The following PHF2 variants were observed in gnomAD, a reference collection of about 807,000 sequenced individuals.
The protein encoded by PHF2 is PHD finger protein 2, also known as lysine-specific demethylase PHF2.
Under a neutral mutation model 120.5 loss-of-function variants are expected in PHF2, and 27 were observed. The observed-to-expected ratio is 0.22, with a 90% CI of 0.17 to 0.31. The LOEUF (loss-of-function observed/expected upper bound fraction) is 0.31. Among genes scored for constraint, PHF2 ranks in the 10% least tolerant of loss-of-function variants. The pLI is 1.00. For synonymous variants in PHF2, 568 were observed against 592.5 expected (o/e 0.96, Z 0.60); for missense variants, 1,024 against 1,434.8 (o/e 0.71, Z 4.63).
chr9:93,621,519 C>A (rs141383701), intron 1 of PHF2, among the ~76,000 whole-genome samples: 1 of 152,202 alleles, frequency 6.6e-6, no homozygotes, highest in South Asian at 2.1e-4. Context: ...ACAAGGGGCC[C>A]CTCCTTGTGC....
chr9:93,634,852 A>G (rs1250806344), intron 2 of PHF2, among the ~76,000 whole-genome samples: 1 of 152,176 alleles, frequency 6.6e-6, no homozygotes, highest in African/African-American at 2.4e-5. Context: ...CTGCCCGTGA[A>G]CAAGCACCTA....
intron 1 of PHF2, among the ~76,000 whole-genome samples, chr9:93,584,463 G>A (rs1156971414): frequency 6.6e-6 from 1 of 152,148 alleles, no homozygotes; most frequent in Non-Finnish European, 1.5e-5. Flanking sequence ...TTTGAAGCTG[G>A]ATATCCAGTT....
At chr9:93,612,819 C>T (rs930025426) in intron 1 of PHF2, among the ~76,000 whole-genome samples, 1 of 152,338 alleles carries the variant, frequency 6.6e-6, no homozygotes, top group East Asian at 1.9e-4. Context: ...AGGGGTGTCC[C>T]CCACCCACCA....
chr9:93,651,096 ATT>A (rs1564395004), intron 5 of PHF2, among the ~76,000 whole-genome samples: 2 of 111,306 alleles, frequency 1.8e-5, no homozygotes, highest in African/African-American at 3.2e-5. Context: ...TATTTTAAAA[ATT>A]AAAAAAAAAA....
intron 1 of PHF2, among the ~76,000 whole-genome samples, chr9:93,621,577 C>A (rs936414436): frequency 6.6e-6 from 1 of 152,216 alleles, no homozygotes; most frequent in Non-Finnish European, 1.5e-5. Flanking sequence ...TGGACACTGG[C>A]CCAGAGCCTG....
At chr9:93,674,192 C>T (rs1477717718) in intron 18 of PHF2, among the ~76,000 whole-genome samples, 2 of 152,124 alleles carry the variant, frequency 1.3e-5, no homozygotes, top group East Asian at 3.9e-4. Flanking sequence ...GGGTCCTGGG[C>T]ATTCCTCGAC....
At chr9:93,657,974 G>A (rs376013600) in intron 9 of PHF2, among the ~76,000 whole-genome samples, 171 bp from the exon 10 acceptor site, 2 of 152,128 alleles carry the variant, frequency 1.3e-5, no homozygotes, top group East Asian at 3.9e-4. Flanking sequence ...CAGGAGGATG[G>A]GCGCCCCCAG....
intron 11 of PHF2, 60 bp downstream of exon 11, chr9:93,659,660 T>C: frequency 1.3e-6 from 2 of 1,484,018 alleles, no homozygotes; most frequent in Non-Finnish European, 1.9e-6. Context: ...CCCACCTGTC[T>C]TTCTCTGGGT....
In PHF2 at chr9:93,677,570, C is replaced by T. The variant is rs753453224; in HGVS notation, c.3203-18C>T. The T allele has an allele frequency of 1.1e-5, 17 of 1,606,966 alleles. No homozygotes were observed. Among genetic ancestry groups the T allele is most frequent in the African/African-American group, 2.7e-5 (2 of 74,548 alleles). On this transcript the variant is annotated intron_variant, in intron 21 of 21. Coordinates refer to ENST00000359246, the MANE Select transcript of PHF2 (RefSeq NM_005392.4). The surrounding 1 kb of genome is among the most constrained non-coding windows in gnomAD (Gnocchi z 4.4). ...TAGCTTACCTTCCCTTTTTGTGTCC[C>T]CTCCCCGACTCCCCTAGGAAAACGT... is the stretch of plus-strand genomic sequence containing the variant.
At chr9:93,664,371 C>G (rs1826637589) in intron 14 of PHF2, among the ~76,000 whole-genome samples, 1 of 152,190 alleles carries the variant, frequency 6.6e-6, no homozygotes. Context: ...CCTCGAGAGC[C>G]TCATGGTTCC....
At chr9:93,610,471 TC>T (rs1449000516) in intron 1 of PHF2, among the ~76,000 whole-genome samples, 1 of 152,196 alleles carries the variant, frequency 6.6e-6, no homozygotes, top group Non-Finnish European at 1.5e-5. Context: ...AGTGTCTCAA[TC>T]TCTCAGCTTA....
intron 5 of PHF2, among the ~76,000 whole-genome samples, chr9:93,652,539 C>T (rs1416132006): frequency 6.6e-6 from 1 of 152,026 alleles, no homozygotes; most frequent in Non-Finnish European, 1.5e-5. Flanking sequence ...GGTCCGCCCA[C>T]CTCGGCCTCC....
chr9:93,645,565 C>T (rs1564392709), intron 3 of PHF2, 64 bp from the exon 4 acceptor site: 3 of 1,477,890 alleles, frequency 2.0e-6, no homozygotes, highest in South Asian at 1.4e-5. Context: ...AGGCCCTGTC[C>T]ACACCTGTCC....
rs767381990 is a variant in PHF2 at position 93,649,051 on chromosome 9, T to C, written c.461-20T>C. 2 of 1,550,284 alleles carry C rather than the reference T, an allele frequency of 1.3e-6. No individual in the cohort carries two copies. The highest frequency in any genetic ancestry group is 1.7e-6 in the Non-Finnish European group (2 of 1,146,608). ...TGCCGCCTTCCCAGGGTGCTCAAGC[T>C]CCTCCCACCACCTCCCTAGGGCCGG... On this transcript the variant is annotated intron_variant, in intron 4 of 21. Coordinates refer to ENST00000359246, the MANE Select transcript of PHF2 (RefSeq NM_005392.4).
rs190394477 is a variant in PHF2, at chr9:93,628,218, A to G, written c.99-1752A>G. Among the ~76,000 whole-genome samples the G allele has an allele frequency of 2.0e-3, 306 of 152,254 alleles. 1 individual carries two copies. The highest frequency in any genetic ancestry group is 5.6e-3 in the Admixed American group (86 of 15,294). ...AGAGATACTGGTCTGTAGTTTTCTTATAGTGTCTCTGTCTGGCTTTGGGCT... is the reference window on the plus strand; with the variant it reads ...AGAGATACTGGTCTGTAGTTTTCTTGTAGTGTCTCTGTCTGGCTTTGGGCT... On this transcript the variant is annotated intron_variant, in intron 1 of 21. Transcript: ENST00000359246.
At chr9:93,598,745 A>C (rs1234265117) in intron 1 of PHF2, among the ~76,000 whole-genome samples, 1 of 152,162 alleles carries the variant, frequency 6.6e-6, no homozygotes, top group African/African-American at 2.4e-5. Context: ...CAGGCTGCTG[A>C]CAACAAGGCA....
At chr9:93,596,628 A>T (rs936200125) in intron 1 of PHF2, among the ~76,000 whole-genome samples, 1 of 151,788 alleles carries the variant, frequency 6.6e-6, no homozygotes, top group Non-Finnish European at 1.5e-5. Flanking sequence ...CTTCATGATC[A>T]CTGGCCTCCT....
At position 93,649,055 on chromosome 9, in the gene PHF2, C is replaced by T; in HGVS notation, c.461-16C>T. On this transcript the variant is annotated splice_polypyrimidine_tract_variant and intron_variant, in intron 4 of 21. Transcript: ENST00000359246. ...GCCTTCCCAGGGTGCTCAAGCTCCT[C>T]CCACCACCTCCCTAGGGCCGGAACG... The T allele has an allele frequency of 1.3e-6, 2 of 1,550,748 alleles. No individual in the cohort carries two copies. Among genetic ancestry groups the T allele is most frequent in the Non-Finnish European group, 1.7e-6 (2 of 1,146,740 alleles).
At position 93,636,459 on chromosome 9, in the gene PHF2, A is replaced by T. The variant is rs374905218; in HGVS notation, c.233A>T (p.Asp78Val). The T allele has an allele frequency of 1.7e-5, 27 of 1,610,522 alleles. No homozygotes were observed. Among genetic ancestry groups the T allele is most frequent in the South Asian group, 7.7e-5 (7 of 90,326 alleles). ...WHKHGPGQAP[D>V]VKPVQNGSQL... is the part of the protein sequence containing the mutation. ...AAACACGGCCCGGGGCAAGCGCCTG[A>T]CGTCAAGCCCGTGCAGAATGGCAGC... The change falls in exon 3 of 22, where the codon GAC (aspartate) becomes GTC (valine). Residue 78 changes from aspartate (D) to valine (V), a missense_variant. Transcript: ENST00000359246.
Sources: allele counts gnomAD v4.1 joint callset (sites outside exome capture counted in the v4.1 genomes callset), GRCh38; gene constraint gnomAD v4.1.1; non-coding constraint Gnocchi (gnomAD v3.1); transcripts MANE v1.5; gene names NCBI Gene and HGNC (gene_info 2026-07-23, HGNC 2026-07-21).